The following NSMCE2 variants were observed in gnomAD, a reference collection of about 807,000 sequenced individuals.
NSMCE2 encodes NSE2 SUMO ligase component of SMC5/6 complex.
Under a neutral mutation model 23.8 loss-of-function variants are expected in NSMCE2, and 24 were observed. That is an observed-to-expected ratio of 1.01 (90% CI 0.73 to 1.42). NSMCE2 has a LOEUF of 1.42. NSMCE2 is among the 40% of genes most tolerant of loss of function. The pLI, the probability that NSMCE2 is intolerant of heterozygous loss-of-function variation, is 0.00. For missense variants in NSMCE2, 284 were observed against 296.5 expected (o/e 0.96, Z 0.31); for synonymous variants, 92 against 94.1 (o/e 0.98, Z 0.13).
chr8:125,166,329 C>T (rs1027394173), intron 4 of NSMCE2, among the ~76,000 whole-genome samples: 19 of 152,098 alleles, frequency 1.2e-4, no homozygotes, highest in Non-Finnish European at 2.5e-4. Context: ...TGCAGTGGCG[C>T]GATCTCAGCT....
chr8:125,127,625 G>C lies in NSMCE2; in HGVS notation c.158-23546G>C, dbSNP rs559469775. On this transcript the variant is annotated intron_variant, in intron 3 of 7. Transcript: ENST00000287437. ...TGGAGCCTTCCAGAGTTCTTGGGTC[G>C]TTCTGGAGTTTGTTGAGCATTACCC... Among the ~76,000 whole-genome samples, 3 of 152,178 alleles carry C rather than the reference G, an allele frequency of 2.0e-5. No homozygotes were observed. In the South Asian group the frequency reaches 6.2e-4, roughly 32 times the overall value.
chr8:125,122,257 A>G (rs147314440), intron 3 of NSMCE2, among the ~76,000 whole-genome samples: 1 of 152,168 alleles, frequency 6.6e-6, no homozygotes, highest in African/African-American at 2.4e-5. Context: ...TACTTCAACA[A>G]ATCTCTAGAT....
intron 5 of NSMCE2, among the ~76,000 whole-genome samples, chr8:125,234,740 T>G (rs530108198): frequency 6.6e-6 from 1 of 152,234 alleles, no homozygotes; most frequent in African/African-American, 2.4e-5. Flanking sequence ...GGCTTTGTTA[T>G]GCCCTTTCAA....
intron 5 of NSMCE2, among the ~76,000 whole-genome samples, chr8:125,220,724 C>G (rs1325089327): frequency 6.6e-6 from 1 of 151,900 alleles, no homozygotes; most frequent in East Asian, 1.9e-4. Flanking sequence ...CAGCCACACC[C>G]AAAAGCCCTT....
chr8:125,316,707 C>G (rs60878859), intron 5 of NSMCE2, among the ~76,000 whole-genome samples: 1 of 91,590 alleles, frequency 1.1e-5, no homozygotes. Context: ...TCCTTCCTTC[C>G]TTCTTTCCTT....
intron 5 of NSMCE2, among the ~76,000 whole-genome samples, chr8:125,231,995 C>G (rs1250362295): frequency 6.6e-6 from 1 of 152,178 alleles, no homozygotes; most frequent in Non-Finnish European, 1.5e-5. Context: ...CCTCGTGTTT[C>G]TTTTTCATAA....
intron 5 of NSMCE2, among the ~76,000 whole-genome samples, chr8:125,209,259 G>A (rs1368528529): frequency 1.3e-5 from 2 of 152,164 alleles, no homozygotes; most frequent in African/African-American, 2.4e-5. Flanking sequence ...CAAATAATGT[G>A]TATCTCTGCT....
At chr8:125,104,446 G>A (rs1226251568) in intron 3 of NSMCE2, among the ~76,000 whole-genome samples, 1 of 152,152 alleles carries the variant, frequency 6.6e-6, no homozygotes. Flanking sequence ...ACAAAGCATG[G>A]CCCTTCTGGA....
chr8:125,312,184 T>G (rs1828999297), intron 5 of NSMCE2, among the ~76,000 whole-genome samples: 1 of 152,102 alleles, frequency 6.6e-6, no homozygotes, highest in Non-Finnish European at 1.5e-5. Flanking sequence ...TTAATAAACT[T>G]TGATGTCTCT....
At chr8:125,250,622 C>T (rs1229181436) in intron 5 of NSMCE2, among the ~76,000 whole-genome samples, 3 of 152,140 alleles carry the variant, frequency 2.0e-5, no homozygotes. Context: ...TCATATGTCT[C>T]TTGCAGACAT....
intron 5 of NSMCE2, among the ~76,000 whole-genome samples, chr8:125,309,702 G>A (rs1480647589): frequency 2.0e-5 from 3 of 151,986 alleles, no homozygotes; most frequent in Non-Finnish European, 4.4e-5. Flanking sequence ...TTCAGCCTGG[G>A]TGCAGAGTGA....
At chr8:125,106,683 TC>T (rs1313629796) in intron 3 of NSMCE2, among the ~76,000 whole-genome samples, 1 of 145,956 alleles carries the variant, frequency 6.9e-6, no homozygotes, top group Admixed American at 6.8e-5. Flanking sequence ...AGACTCCATC[TC>T]AAAAAAAAAA....
intron 5 of NSMCE2, among the ~76,000 whole-genome samples, chr8:125,355,858 T>G (rs1490588972): frequency 6.6e-6 from 1 of 152,120 alleles, no homozygotes; most frequent in Admixed American, 6.6e-5. Context: ...GTTTTTCAGT[T>G]GGGGGCCAAT....
At chr8:125,203,483 C>T (rs1011295070) in intron 5 of NSMCE2, among the ~76,000 whole-genome samples, 4 of 152,206 alleles carry the variant, frequency 2.6e-5, no homozygotes, top group Non-Finnish European at 4.4e-5. Flanking sequence ...CCTACCCCTA[C>T]CTTGTAAATG....
At chr8:125,177,877 C>T (rs1822574280) in intron 4 of NSMCE2, among the ~76,000 whole-genome samples, 2 of 152,160 alleles carry the variant, frequency 1.3e-5, no homozygotes, top group South Asian at 2.1e-4. Context: ...TTTCTAGCTT[C>T]GTACTAGGTA....
At chr8:125,220,257 C>G (rs907222982) in intron 5 of NSMCE2, among the ~76,000 whole-genome samples, 1 of 152,014 alleles carries the variant, frequency 6.6e-6, no homozygotes, top group East Asian at 1.9e-4. Flanking sequence ...ATGTTGCAAT[C>G]TTTATTTTAA....
At chr8:125,110,650 G>C (rs1481416522) in intron 3 of NSMCE2, among the ~76,000 whole-genome samples, 1 of 151,558 alleles carries the variant, frequency 6.6e-6, no homozygotes, top group Non-Finnish European at 1.5e-5. Context: ...TGACTTCATA[G>C]TTTCTGCCCT....
intron 1 of NSMCE2, among the ~76,000 whole-genome samples, chr8:125,095,271 C>T (rs1412582600): frequency 1.3e-5 from 2 of 152,136 alleles, no homozygotes; most frequent in South Asian, 2.1e-4. Context: ...TTTAGACTTA[C>T]ACTAGAATCA....
At chr8:125,219,717 C>T (rs1415812108) in intron 5 of NSMCE2, among the ~76,000 whole-genome samples, 6 of 152,180 alleles carry the variant, frequency 3.9e-5, no homozygotes, top group African/African-American at 1.4e-4. Context: ...AAGACTTACT[C>T]TATTTTATAA....
Sources: gnomAD v4.1 joint callset for allele counts (sites outside exome capture counted in the v4.1 genomes callset) on GRCh38, gnomAD v4.1.1 for gene constraint, MANE v1.5 for transcripts, NCBI Gene and HGNC (gene_info 2026-07-23, HGNC 2026-07-21) for gene names.